GRM7: variants seen among roughly 807,000 people sequenced by gnomAD.
GRM7 encodes metabotropic glutamate receptor 7.
A neutral mutation model predicts 84.5 loss-of-function variants in GRM7; 35 were observed. That is an observed-to-expected ratio of 0.41 (90% CI 0.32 to 0.55). The LOEUF (loss-of-function observed/expected upper bound fraction) is 0.55, where lower values mean the gene tolerates loss of function less well. Among genes scored for constraint, GRM7 ranks in the 20% least tolerant of loss-of-function variants. The pLI is 0.19. For synonymous variants in GRM7, 487 were observed against 455.1 expected (o/e 1.07, Z -0.89); for missense variants, 1,003 against 1,194.6 (o/e 0.84, Z 2.36).
intron 2 of GRM7, among the ~76,000 whole-genome samples, chr3:7,230,993 C>T (rs1462738321): frequency 6.6e-6 from 1 of 152,126 alleles, no homozygotes; most frequent in African/African-American, 2.4e-5. Flanking sequence ...CACAGGAGCA[C>T]TGAAAAACCA....
chr3:7,090,124 T>C (rs1331214107), intron 1 of GRM7, among the ~76,000 whole-genome samples: 1 of 152,152 alleles, frequency 6.6e-6, no homozygotes, highest in Non-Finnish European at 1.5e-5. Flanking sequence ...ATTACAGGCA[T>C]GAGCCACCGT....
chr3:7,000,553 CAAGTA>C (rs1559376831), intron 1 of GRM7, among the ~76,000 whole-genome samples: 1 of 152,134 alleles, frequency 6.6e-6, no homozygotes, highest in Non-Finnish European at 1.5e-5. Flanking sequence ...ACATGCACTA[CAAGTA>C]GAGTCCATTA....
chr3:7,589,362 C>T (rs1695672169), intron 8 of GRM7, among the ~76,000 whole-genome samples: 1 of 152,072 alleles, frequency 6.6e-6, no homozygotes, highest in Non-Finnish European at 1.5e-5. Context: ...CTTTTTTTCC[C>T]AAATCTTTAC....
chr3:6,932,599 C>T lies in GRM7; in HGVS notation c.519+70692C>T, dbSNP rs533568582. ...TTAAAATAAAAGGTGGTTTTATGTA[C>T]GCTGCTAACTTTCTTACAGCTTCAA... is the stretch of plus-strand genomic sequence containing the variant. On this transcript the variant is annotated intron_variant, in intron 1 of 9. Coordinates refer to ENST00000357716, the MANE Select transcript of GRM7 (RefSeq NM_000844.4). 3.3e-5 allele frequency among the ~76,000 whole-genome samples: 5 copies of T among 152,126 alleles called. No individual in the cohort carries two copies. In the South Asian group the frequency reaches 6.2e-4, roughly 19 times the overall value.
intron 1 of GRM7, among the ~76,000 whole-genome samples, chr3:7,099,391 A>G (rs868189812): frequency 1.3e-5 from 2 of 148,410 alleles, no homozygotes; most frequent in African/African-American, 2.5e-5. Flanking sequence ...TAATATATAC[A>G]TTATATACAT....
At chr3:7,320,879 A>C (rs1425306696) in intron 4 of GRM7, among the ~76,000 whole-genome samples, 1 of 152,048 alleles carries the variant, frequency 6.6e-6, no homozygotes, top group African/African-American at 2.4e-5. Flanking sequence ...AGGGCTCTGT[A>C]GATGTAATTT....
chr3:7,144,419 A>C (rs976713125), intron 1 of GRM7, among the ~76,000 whole-genome samples: 1 of 152,226 alleles, frequency 6.6e-6, no homozygotes, highest in Non-Finnish European at 1.5e-5. Context: ...TTGGATAAAC[A>C]GTACATATTA....
intron 7 of GRM7, among the ~76,000 whole-genome samples, chr3:7,474,852 G>A (rs1698858117): frequency 6.6e-6 from 1 of 152,154 alleles, no homozygotes. Context: ...AAGATGTATA[G>A]GCAATTATAT....
intron 8 of GRM7, among the ~76,000 whole-genome samples, chr3:7,677,473 T>C (rs2125138022): frequency 6.6e-6 from 1 of 152,230 alleles, no homozygotes; most frequent in South Asian, 2.1e-4. Flanking sequence ...TAAATGGGAA[T>C]TGAACTCAGA....
At chr3:7,155,466 G>T (rs568015019) in intron 2 of GRM7, among the ~76,000 whole-genome samples, 1 of 151,732 alleles carries the variant, frequency 6.6e-6, no homozygotes, top group East Asian at 1.9e-4. Flanking sequence ...TTAAAACAGA[G>T]GCATGAAAGT....
chr3:7,575,282 G>T (rs73116070), intron 7 of GRM7, among the ~76,000 whole-genome samples: 26 of 152,298 alleles, frequency 1.7e-4, no homozygotes, highest in African/African-American at 6.0e-4. Context: ...ATGGAGAAAT[G>T]TAAACTTGCA....
rs186609391 is a variant in GRM7 at position 7,544,186 on chromosome 3, G to A, written c.1516-34236G>A. ...TATTTTATTTTTACTTTTTTCTTAA[G>A]AGACAGGGTCTCACTCTGTCACCCA... On this transcript the variant is annotated intron_variant, in intron 7 of 9. Transcript: ENST00000357716. Among the ~76,000 whole-genome samples the A allele has an allele frequency of 5.0e-4, 76 of 152,212 alleles. 2 individuals are homozygous for A. The highest frequency in any genetic ancestry group is 1.7e-3 in the African/African-American group (71 of 41,522).
intron 1 of GRM7, among the ~76,000 whole-genome samples, chr3:7,143,068 C>T (rs1176961658): frequency 1.3e-5 from 2 of 152,128 alleles, no homozygotes; most frequent in African/African-American, 2.4e-5. Flanking sequence ...AAGATCAAGT[C>T]TCCATTTCCA....
chr3:7,106,347 TC>T (rs1357865889), intron 1 of GRM7, among the ~76,000 whole-genome samples: 3 of 151,846 alleles, frequency 2.0e-5, no homozygotes, highest in Non-Finnish European at 2.9e-5. Context: ...CCTTTTTTTT[TC>T]TTATTTTCTG....
intron 8 of GRM7, among the ~76,000 whole-genome samples, chr3:7,656,570 CACACACAA>C (rs1699207911): frequency 6.6e-6 from 1 of 150,968 alleles, no homozygotes; most frequent in Non-Finnish European, 1.5e-5. Flanking sequence ...CACACACACA[CACACACAA>C]AGTGTGCTGT....
At position 7,190,806 on chromosome 3, in the gene GRM7, A is replaced by T. The variant is rs115654796; in HGVS notation, c.736+44138A>T. On this transcript the variant is annotated intron_variant, in intron 2 of 9. Transcript: ENST00000357716. ...CATTGAGTTGAGTTGTTAGACAGGGAGAACAGCAGGTGCCCCTCTTGGCAC... is the reference window on the plus strand; with the variant it reads ...CATTGAGTTGAGTTGTTAGACAGGGTGAACAGCAGGTGCCCCTCTTGGCAC... 4.4e-3 allele frequency among the ~76,000 whole-genome samples: 677 copies of T among 152,186 alleles called. 1 individual carries two copies. Among genetic ancestry groups the T allele is most frequent in the Non-Finnish European group, 7.9e-3 (539 of 68,020 alleles).
chr3:7,112,437 G>GTC (rs1180885292), intron 1 of GRM7, among the ~76,000 whole-genome samples: 1 of 152,098 alleles, frequency 6.6e-6, no homozygotes, highest in East Asian at 1.9e-4. Flanking sequence ...TGTTAGCCAG[G>GTC]ATGGTCTCGA....
At chr3:7,666,812 C>A (rs1215760752) in intron 8 of GRM7, among the ~76,000 whole-genome samples, 1 of 151,746 alleles carries the variant, frequency 6.6e-6, no homozygotes, top group East Asian at 1.9e-4. Context: ...GTAAGATTAG[C>A]CAACCAGAAA....
intron 2 of GRM7, among the ~76,000 whole-genome samples, chr3:7,174,197 T>C (rs913768141): frequency 6.6e-6 from 1 of 152,202 alleles, no homozygotes; most frequent in African/African-American, 2.4e-5. Context: ...ACAATGTTTG[T>C]AGCTGGTGAA....
Sources: allele counts gnomAD v4.1 joint callset (sites outside exome capture counted in the v4.1 genomes callset), GRCh38; gene constraint gnomAD v4.1.1; transcripts MANE v1.5; gene names NCBI Gene and HGNC (gene_info 2026-07-23, HGNC 2026-07-21).